AQP2: variants seen among roughly 807,000 people sequenced by gnomAD.
AQP2 encodes aquaporin 2, also known as aquaporin-2.
AQP2 carries 20 observed loss-of-function variants against 21.6 expected under a neutral mutation model. The ratio of observed to expected loss-of-function variants is 0.92; its 90% CI spans 0.65 to 1.34. The LOEUF (loss-of-function observed/expected upper bound fraction) is 1.34, where lower values mean the gene tolerates loss of function less well. AQP2 is among the 40% of genes most tolerant of loss of function. The probability of loss-of-function intolerance (pLI) is 0.00; values close to 1 mark genes in which losing one functional copy is unlikely to be tolerated. For missense variants in AQP2, 325 were observed against 363.4 expected, an observed-to-expected ratio of 0.89 and a Z score of 0.86; for synonymous variants, 168 against 166.9, an observed-to-expected ratio of 1.01 and a Z score of -0.05.
intron 2 of AQP2, 48 bp from the exon 3 acceptor site, chr12:49,954,582 C>G (rs752672156): frequency 6.3e-7 from 1 of 1,599,950 alleles, no homozygotes; most frequent in Non-Finnish European, 8.6e-7. Flanking sequence ...GGACTTCCTG[C>G]CCTGTCCTCA....
At position 49,955,550 on chromosome 12, in the gene AQP2, G is replaced by A. The variant is rs139913957; in HGVS notation, c.758G>A (p.Arg253Gln). 86 of 1,604,512 alleles carry A rather than the reference G, an allele frequency of 5.4e-5. No homozygotes were observed. The highest frequency in any genetic ancestry group is 6.1e-5 in the Non-Finnish European group (72 of 1,177,470). The change falls in exon 4 of 4, where the codon CGG (arginine) becomes CAG (glutamine). Residue 253 changes from arginine (R) to glutamine (Q), a missense_variant. By Grantham distance (43) the Arg-to-Gln change is conservative. Coordinates refer to ENST00000199280, the MANE Select transcript of AQP2 (RefSeq NM_000486.6). ...GATTGGGAGGAGCGCGAGGTGCGAC[G>A]GCGGCAGTCGGTGGAGCTGCACTCG... ...DTDWEEREVR[R>Q]RQSVELHSPQ...
chr12:49,955,714 G>A lies in AQP2; in HGVS notation c.*106G>A. The A allele has an allele frequency of 1.5e-6, 2 of 1,376,802 alleles. No individual in the cohort carries two copies. Among genetic ancestry groups the A allele is most frequent in the Non-Finnish European group, 2.0e-6 (2 of 1,005,000 alleles). 85.3% of individuals were successfully genotyped at this position (1,376,802 alleles called of 1,614,324 possible). On this transcript the variant is annotated 3_prime_UTR_variant, in exon 4 of 4. Transcript: ENST00000199280. ...GCAGGTCTGAAGTTGGCCCCCCAGC[G>A]CAGAGTAGCTGCTTCCTGGACGTGC...
intron 3 of AQP2, 115 bp downstream of exon 3, chr12:49,954,825 C>T (rs1947354911): frequency 1.7e-6 from 2 of 1,201,990 alleles, no homozygotes; most frequent in East Asian, 2.4e-5. Flanking sequence ...ACCCTCCACA[C>T]TCCTCCTGGT....
chr12:49,953,845 C>T (rs963724834), intron 1 of AQP2, among the ~76,000 whole-genome samples: 12 of 152,186 alleles, frequency 7.9e-5, no homozygotes, highest in African/African-American at 1.9e-4. Flanking sequence ...ACAGAAATTC[C>T]GGATCTCAGC....
intron 1 of AQP2, among the ~76,000 whole-genome samples, chr12:49,952,691 G>A (rs1947338494): frequency 6.6e-6 from 1 of 152,200 alleles, no homozygotes; most frequent in Non-Finnish European, 1.5e-5. Context: ...AAAGGTCTGG[G>A]AGGGCTCCTC....
At chr12:49,955,045 C>A (rs1053272557) in intron 3 of AQP2, among the ~76,000 whole-genome samples, 11 of 152,170 alleles carry the variant, frequency 7.2e-5, no homozygotes, top group Non-Finnish European at 1.2e-4. Context: ...ATGTGGTGAG[C>A]CTTGTTCTGA....
intron 2 of AQP2, 26 bp downstream of exon 2, chr12:49,954,345 C>A (rs369703113): frequency 6.3e-7 from 1 of 1,599,816 alleles, no homozygotes; most frequent in Non-Finnish European, 8.5e-7. Context: ...GGGTTCCAGC[C>A]TCCCTGGAGG....
Position 49,950,996 on chromosome 12 carries a change from G to A in AQP2, c.166G>A (p.Val56Ile), listed in dbSNP as rs1396199369. Reference sequence around the variant, plus strand: ...GTTTGGCTTGGGTATTGGCACCCTGGTACAGGCTCTGGGCCACATAAGCGG... The same window carrying A: ...GTTTGGCTTGGGTATTGGCACCCTGATACAGGCTCTGGGCCACATAAGCGG... Reference protein sequence around the residue: ...MAFGLGIGTLVQALGHISGAH... With the variant: ...MAFGLGIGTLIQALGHISGAH... The change falls in exon 1 of 4, where the codon GTA becomes ATA. Residue 56 changes from valine (V) to isoleucine (I), a missense_variant. By Grantham distance (29) the Val-to-Ile change is conservative. Transcript: ENST00000199280. The A allele has an allele frequency of 1.2e-6, 2 of 1,614,148 alleles. No homozygotes were observed. Among genetic ancestry groups the A allele is most frequent in the South Asian group, 1.1e-5 (1 of 91,092 alleles).
In AQP2 at chr12:49,954,293, T is replaced by C. The variant is rs766884762; in HGVS notation, c.499T>C (p.Ser167Pro). The change falls in exon 2 of 4, where the codon TCT becomes CCT. Residue 167 changes from serine (S) to proline (P), a missense_variant. Coordinates refer to ENST00000199280, the MANE Select transcript of AQP2 (RefSeq NM_000486.6). ...PGTPALSIGF[S>P]VALGHLLGIH... ...CACCCCTGCTCTCTCCATAGGCTTC[T>C]CTGTGGCCCTGGGCCACCTCCTTGG... 3.1e-6 allele frequency: 5 copies of C among 1,609,744 alleles called. No homozygotes were observed. The African/African-American group carries it at 6.7e-5, about 21-fold the overall frequency.
In AQP2 at chr12:49,950,816, G is replaced by C; in HGVS notation, c.-15G>C. 6.2e-7 allele frequency: 1 copy of C among 1,605,934 alleles called. No individual in the cohort carries two copies. Among genetic ancestry groups the C allele is most frequent in the South Asian group, 1.1e-5 (1 of 90,950 alleles). On this transcript the variant is annotated 5_prime_UTR_variant, in exon 1 of 4. Coordinates refer to ENST00000199280, the MANE Select transcript of AQP2 (RefSeq NM_000486.6). ...GCCCTGAGACAGCTGGGCCAGCCCC[G>C]CAGGGCTCTGCAGCATGTGGGAGCT...
rs1379073673 is a variant in AQP2 at position 49,955,731 on chromosome 12, T to C, written c.*123T>C. 9 of 1,275,940 alleles carry C rather than the reference T, an allele frequency of 7.1e-6. No homozygotes were observed. In the Middle Eastern group the frequency reaches 6.8e-4, roughly 97 times the overall value. 79.0% of individuals were successfully genotyped at this position (1,275,940 alleles called of 1,614,324 possible). ...CCCCCAGCGCAGAGTAGCTGCTTCC[T>C]GGACGTGCGCGCCCAGGCCAGTGCT... is the stretch of plus-strand genomic sequence containing the variant. On this transcript the variant is annotated 3_prime_UTR_variant, in exon 4 of 4. Coordinates refer to ENST00000199280, the MANE Select transcript of AQP2 (RefSeq NM_000486.6).
Position 49,950,866 on chromosome 12 carries a change from T to G in AQP2, c.36T>G (p.Ala12=). 1 of 1,613,350 alleles carries G rather than the reference T, an allele frequency of 6.2e-7. No individual in the cohort carries two copies. Among genetic ancestry groups the G allele is most frequent in the Non-Finnish European group, 8.5e-7 (1 of 1,179,336 alleles). Residue 12 remains alanine, a synonymous_variant, in exon 1 of 4, where the codon GCT becomes GCG. Transcript: ENST00000199280. ...TCCGCTCCATAGCCTTCTCCAGGGCTGTGTTCGCAGAGTTCCTGGCCACAC... is the reference window on the plus strand; with the variant it reads ...TCCGCTCCATAGCCTTCTCCAGGGCGGTGTTCGCAGAGTTCCTGGCCACAC... ...WELRSIAFSR[A]VFAEFLATLL...
At position 49,954,726 on chromosome 12, in the gene AQP2, C is replaced by T. The variant is rs763939992; in HGVS notation, c.606+16C>T. 2.9e-5 allele frequency: 47 copies of T among 1,610,084 alleles called. 1 individual carries two copies. In the South Asian group the frequency reaches 5.2e-4, roughly 18 times the overall value. ...TGACCACTGGGTAATGGCTGAAACCCCCTGCCCTCCCCTTCTCTAGAAACC... is the reference window on the plus strand; with the variant it reads ...TGACCACTGGGTAATGGCTGAAACCTCCTGCCCTCCCCTTCTCTAGAAACC... On this transcript the variant is annotated intron_variant, in intron 3 of 3. Transcript: ENST00000199280.
rs564307072 is a variant in AQP2, at chr12:49,955,353, C to T, written c.607-46C>T. 19 of 1,590,660 alleles carry T rather than the reference C, an allele frequency of 1.2e-5. No individual in the cohort carries two copies. In the African/African-American group the frequency reaches 2.3e-4, roughly 19 times the overall value. On this transcript the variant is annotated intron_variant, in intron 3 of 3. Transcript: ENST00000199280. ...CGCCGGGGCCTGCGGGCTCCGCGTG[C>T]CGGTGCCGGCGCGGGTGCCAAGCCG...
intron 1 of AQP2, among the ~76,000 whole-genome samples, chr12:49,953,817 C>T (rs540794357): frequency 6.6e-6 from 1 of 152,346 alleles, no homozygotes; most frequent in South Asian, 2.1e-4. Context: ...AACCTCTTCC[C>T]TTCTTGTTCT....
In AQP2 at chr12:49,952,300, G is replaced by T. The variant is rs143963460; in HGVS notation, c.360+1110G>T. Among the ~76,000 whole-genome samples the T allele has an allele frequency of 6.3e-3, 955 of 152,124 alleles. 13 individuals are homozygous for T. Among genetic ancestry groups the T allele is most frequent in the African/African-American group, 0.022 (904 of 41,470 alleles). On this transcript the variant is annotated intron_variant, in intron 1 of 3. Transcript: ENST00000199280. ...ATTTTTGTATTTTTAGTAGAGACAG[G>T]ACTCGCCACGTTGGTAAGGCTGGTT...
chr12:49,951,389 T>C (rs1445986279), intron 1 of AQP2, 199 bp downstream of exon 1: 5 of 763,438 alleles, frequency 6.5e-6, no homozygotes, highest in Non-Finnish European at 1.0e-5. Flanking sequence ...CAAAGCAGGA[T>C]GCAGACAGAC....
intron 3 of AQP2, 136 bp from the exon 4 acceptor site, chr12:49,955,263 A>C: frequency 1.0e-6 from 1 of 964,974 alleles, no homozygotes; most frequent in Non-Finnish European, 1.5e-6. Context: ...TTGTCGTTGT[A>C]ATTACATAAA....
rs750776227 is a variant in AQP2, at chr12:49,951,085, A to T, written c.255A>T (p.Arg85=). The stretch of plus-strand genomic sequence containing the variant: ...TGGGCTGCCACGTCTCCGTTCTCCG[A>T]GCCGCCTTCTACGTGGCTGCCCAGC... ...CLVGCHVSVL[R]AAFYVAAQLL... Residue 85 remains arginine, a synonymous_variant, in exon 1 of 4, where the codon CGA becomes CGT. Coordinates refer to ENST00000199280, the MANE Select transcript of AQP2 (RefSeq NM_000486.6). The T allele has an allele frequency of 5.6e-6, 9 of 1,610,858 alleles. No homozygotes were observed. In the South Asian group the frequency reaches 9.9e-5, roughly 18 times the overall value.
Sources: gnomAD v4.1 joint callset for allele counts (sites outside exome capture counted in the v4.1 genomes callset) on GRCh38, gnomAD v4.1.1 for gene constraint, MANE v1.5 for transcripts, NCBI Gene and HGNC (gene_info 2026-07-23, HGNC 2026-07-21) for gene names.